ABR: variants seen among roughly 807,000 people sequenced by gnomAD.
The protein encoded by ABR is ABR activator of RhoGEF and GTPase.
A neutral mutation model predicts 107.2 loss-of-function variants in ABR; 35 were observed. The ratio of observed to expected loss-of-function variants is 0.33; its 90% CI spans 0.25 to 0.43. The LOEUF (loss-of-function observed/expected upper bound fraction) is 0.43, where lower values mean the gene tolerates loss of function less well. Among genes scored for constraint, ABR ranks in the 20% least tolerant of loss-of-function variants. The probability of loss-of-function intolerance (pLI) is 1.00; values close to 1 mark genes in which losing one functional copy is unlikely to be tolerated. For missense variants in ABR, 815 were observed against 1,115.2 expected (o/e 0.73, Z 3.83); for synonymous variants, 498 against 462.0 (o/e 1.08, Z -1.00).
At chr17:1,012,120 G>A (rs1230213857) in intron 18 of ABR, 135 bp from the exon 19 acceptor site, 4 of 1,440,420 alleles carry the variant, frequency 2.8e-6, no homozygotes, top group South Asian at 1.2e-5. Context: ...GCAGGGGCAG[G>A]GCAGAGAAAG....
chr17:1,191,469 T>C (rs1370144282), upstream of ABR, among the ~76,000 whole-genome samples: 1 of 149,396 alleles, frequency 6.7e-6, no homozygotes, highest in African/African-American at 2.5e-5. Context: ...GCGATTCTCC[T>C]GTCTCAGCCT....
chr17:1,110,244 A>G (rs2038589789), intron 2 of ABR, among the ~76,000 whole-genome samples: 1 of 151,852 alleles, frequency 6.6e-6, no homozygotes, highest in South Asian at 2.1e-4. Flanking sequence ...TAGTTCCCAG[A>G]TGCACATACA....
intron 1 of ABR, among the ~76,000 whole-genome samples, chr17:1,197,366 G>A (rs780712728): frequency 2.6e-4 from 39 of 151,434 alleles, no homozygotes; most frequent in Non-Finnish European, 4.4e-4. Context: ...AATTGGGCAG[G>A]GTCAGCCCCA....
chr17:1,042,604 GAC>G, intron 16 of ABR, among the ~76,000 whole-genome samples: 1 of 151,034 alleles, frequency 6.6e-6, no homozygotes, highest in Non-Finnish European at 1.5e-5. Context: ...CGGATGGATG[GAC>G]GAAGAGACGT....
At chr17:1,129,483 G>C (rs2039732498) in intron 1 of ABR, among the ~76,000 whole-genome samples, 1 of 152,130 alleles carries the variant, frequency 6.6e-6, no homozygotes, top group Admixed American at 6.6e-5. Flanking sequence ...AGTGAGCTGA[G>C]ATCGCGACAC....
chr17:1,173,652 A>G (rs1598050514), intron 1 of ABR, among the ~76,000 whole-genome samples: 3 of 152,260 alleles, frequency 2.0e-5, no homozygotes, highest in African/African-American at 4.8e-5. Context: ...TTCAGCTAAC[A>G]GGGGTTTCTG....
At chr17:1,058,637 G>C in intron 11 of ABR, 108 bp downstream of exon 11, 2 of 1,415,794 alleles carry the variant, frequency 1.4e-6, no homozygotes, top group Non-Finnish European at 1.9e-6. Flanking sequence ...TCCTCAGGAA[G>C]AGGGGGCCTG....
intron 3 of ABR, among the ~76,000 whole-genome samples, chr17:1,099,137 G>T (rs901929879): frequency 6.7e-6 from 1 of 150,142 alleles, no homozygotes; most frequent in Non-Finnish European, 1.5e-5. Context: ...GTACAGTGGC[G>T]CACTCTCAGC....
chr17:1,081,322 G>A (rs1274254395), intron 5 of ABR, among the ~76,000 whole-genome samples: 1 of 152,140 alleles, frequency 6.6e-6, no homozygotes, highest in African/African-American at 2.4e-5. Context: ...CCAATCTCCC[G>A]CCTCGGCCTC....
chr17:1,173,633 C>A (rs1225945572), intron 1 of ABR, among the ~76,000 whole-genome samples: 2 of 152,128 alleles, frequency 1.3e-5, no homozygotes, highest in Non-Finnish European at 2.9e-5. Flanking sequence ...GACGGGCCAG[C>A]TGACAGGTTT....
rs1198792117 is a variant in ABR at position 1,071,676 on chromosome 17, G to A, written c.894+938C>T. Among the ~76,000 whole-genome samples the A allele has an allele frequency of 2.6e-5, 4 of 152,246 alleles. No individual in the cohort carries two copies. Among genetic ancestry groups the A allele is most frequent in the Non-Finnish European group, 5.9e-5 (4 of 68,044 alleles). ...AGCCACTGCGTGTGCAGGCCGAGCT[G>A]AAGCAGCTCCAAGCTCCTGCTCCCT... is the stretch of plus-strand genomic sequence containing the variant. On this transcript the variant is annotated intron_variant, in intron 8 of 22. Coordinates refer to ENST00000302538, the MANE Select transcript of ABR (RefSeq NM_021962.5). This position sits in a 1 kb window ranked among gnomAD's most constrained non-coding sequence, Gnocchi z 5.1.
Position 1,171,028 on chromosome 17 carries a change from G to A in ABR, c.61+8639C>T, listed in dbSNP as rs576494858. Among the ~76,000 whole-genome samples the A allele has an allele frequency of 1.7e-4, 26 of 152,128 alleles. No individual in the cohort carries two copies. In the East Asian group the frequency reaches 4.5e-3, roughly 26 times the overall value. ...CACCTTCAATAGCACACACTGCCAC[G>A]CCGACTCTACAACTCCCAGAGGGAT... is the stretch of plus-strand genomic sequence containing the variant. On this transcript the variant is annotated intron_variant, in intron 1 of 22. Transcript: ENST00000302538.
chr17:1,034,080 C>T (rs993988854), intron 16 of ABR, among the ~76,000 whole-genome samples: 2 of 151,694 alleles, frequency 1.3e-5, no homozygotes, highest in Admixed American at 1.3e-4. Flanking sequence ...AAGCAACTCT[C>T]CTGCCTCAGC....
intron 21 of ABR, 43 bp from the exon 22 acceptor site, chr17:1,007,355 A>C: frequency 6.2e-7 from 1 of 1,610,110 alleles, no homozygotes; most frequent in Non-Finnish European, 8.5e-7. Context: ...CTTCCTCAGC[A>C]GCCACTCGGA....
rs926593577 is a variant in ABR, at chr17:1,005,990, G to T, written c.*90C>A. 2.5e-6 allele frequency: 3 copies of T among 1,211,100 alleles called. No individual in the cohort carries two copies. Among genetic ancestry groups the T allele is most frequent in the Non-Finnish European group, 3.6e-6 (3 of 839,550 alleles). 75.0% of individuals were successfully genotyped at this position (1,211,100 alleles called of 1,614,324 possible). On this transcript the variant is annotated 3_prime_UTR_variant, in exon 23 of 23. Transcript: ENST00000302538. ...CTCGAGTCTGGAGTGCTGGGTTTGG[G>T]AGTTTTCTATTGCAGTCTTTCAAGT...
At chr17:1,090,827 C>T (rs78721767) in intron 4 of ABR, among the ~76,000 whole-genome samples, 501 of 152,324 alleles carry the variant, frequency 3.3e-3, no homozygotes, top group African/African-American at 0.011. Flanking sequence ...AGAAGAACCG[C>T]GGCCTGGACT....
In ABR at chr17:1,154,582, T is replaced by C. The variant is rs2040963578; in HGVS notation, c.61+25085A>G. 1 of 152,122 alleles carries C rather than the reference T, an allele frequency of 6.6e-6. No homozygotes were observed. The highest frequency in any genetic ancestry group is 2.4e-5 in the African/African-American group (1 of 41,344). The allele number at this position is 152,122 out of a possible 1,614,324, so 9.4% of individuals were successfully genotyped here. A position where few individuals can be genotyped will look rare whatever the true frequency, so the allele number is the denominator to read the frequency against. On this transcript the variant is annotated intron_variant, in intron 1 of 22. Transcript: ENST00000302538. The surrounding 1 kb of genome is among the most constrained non-coding windows in gnomAD (Gnocchi z 4.0). ...GAAGGCACACTAGCTGAGAGCCCGT[T>C]CAAGCATCCACATCCCCCAATTTCA...
At position 1,092,156 on chromosome 17, in the gene ABR, G is replaced by A. The variant is rs1014884951; in HGVS notation, c.346-306C>T. 7.9e-5 allele frequency among the ~76,000 whole-genome samples: 12 copies of A among 152,172 alleles called. No homozygotes were observed. Among genetic ancestry groups the A allele is most frequent in the African/African-American group, 2.2e-4 (9 of 41,446 alleles). On this transcript the variant is annotated intron_variant, in intron 3 of 22. Coordinates refer to ENST00000302538, the MANE Select transcript of ABR (RefSeq NM_021962.5). The surrounding 1 kb of genome is among the most constrained non-coding windows in gnomAD (Gnocchi z 4.6). ...CCTGTACTGGGTTAACAGGATCCGC[G>A]TCTTTCTTCCACGATAGCCTGTGCC... is the stretch of plus-strand genomic sequence containing the variant.
chr17:1,138,524 C>A (rs540078423), intron 1 of ABR, among the ~76,000 whole-genome samples: 4 of 152,176 alleles, frequency 2.6e-5, no homozygotes, highest in Admixed American at 2.0e-4. Context: ...GTTGCCCAGG[C>A]TGGAGTGCAG....
Sources: allele counts gnomAD v4.1 joint callset (sites outside exome capture counted in the v4.1 genomes callset), GRCh38; gene constraint gnomAD v4.1.1; non-coding constraint Gnocchi (gnomAD v3.1); transcripts MANE v1.5; gene names NCBI Gene and HGNC (gene_info 2026-07-23, HGNC 2026-07-21).